The following FOXN3 variants were observed in gnomAD, a reference collection of about 807,000 sequenced individuals.
The protein encoded by FOXN3 is forkhead box protein N3.
Under a neutral mutation model 38.4 loss-of-function variants are expected in FOXN3, and 7 were observed. The ratio of observed to expected loss-of-function variants is 0.18; its 90% CI spans 0.10 to 0.34. The LOEUF (loss-of-function observed/expected upper bound fraction) is 0.34, where lower values mean the gene tolerates loss of function less well. FOXN3 is among the 10% of genes least tolerant of loss of function. FOXN3 has a pLI of 1.00. For missense variants in FOXN3, 456 were observed against 613.4 expected (o/e 0.74, Z 2.71); for synonymous variants, 230 against 242.2 (o/e 0.95, Z 0.47).
intron 3 of FOXN3, among the ~76,000 whole-genome samples, chr14:89,304,882 T>C (rs952953482): frequency 2.1e-5 from 3 of 146,222 alleles, no homozygotes; most frequent in South Asian, 4.3e-4. Context: ...TAAAAACATA[T>C]ACCCAGAGGA....
At chr14:89,191,948 G>GTATATATATATATATATATA (rs566312671) in intron 4 of FOXN3, among the ~76,000 whole-genome samples, 5 of 117,946 alleles carry the variant, frequency 4.2e-5, no homozygotes, top group African/African-American at 2.3e-4. Flanking sequence ...ACTGATATTA[G>GTATATATATATATATATATA]TATATATATA....
intron 1 of FOXN3, among the ~76,000 whole-genome samples, chr14:89,521,541 C>G (rs1894318639): frequency 6.6e-6 from 1 of 151,920 alleles, no homozygotes; most frequent in African/African-American, 2.4e-5. Context: ...GAATTAAAGT[C>G]TGAGGAGAGG....
At chr14:89,376,122 A>C (rs1890470994) in intron 2 of FOXN3, among the ~76,000 whole-genome samples, 1 of 152,178 alleles carries the variant, frequency 6.6e-6, no homozygotes, top group Admixed American at 6.5e-5. Flanking sequence ...CACTGAAAGG[A>C]ATCAGGGCTT....
At chr14:89,421,976 C>T (rs1302233920), upstream of FOXN3, among the ~76,000 whole-genome samples, 2 of 152,146 alleles carry the variant, frequency 1.3e-5, no homozygotes, top group Admixed American at 6.5e-5. Flanking sequence ...AACTCCTAGA[C>T]TCAAACAATC....
At chr14:89,562,762 A>G (rs1193778455) in intron 1 of FOXN3, among the ~76,000 whole-genome samples, 1 of 152,186 alleles carries the variant, frequency 6.6e-6, no homozygotes, top group Non-Finnish European at 1.5e-5. Context: ...AAACATACCC[A>G]GGTTACATCC....
intron 4 of FOXN3, among the ~76,000 whole-genome samples, chr14:89,227,712 T>C (rs1445120084): frequency 4.6e-5 from 7 of 152,144 alleles, no homozygotes; most frequent in Non-Finnish European, 2.9e-5. Context: ...CACCCTGAGA[T>C]TACCTTACAT....
chr14:89,305,085 C>G (rs1013622824), intron 3 of FOXN3, among the ~76,000 whole-genome samples: 2 of 152,058 alleles, frequency 1.3e-5, no homozygotes, highest in African/African-American at 4.8e-5. Context: ...AGAAAACTTA[C>G]GCTGAGCCCG....
chr14:89,214,791 C>T (rs939501437), intron 4 of FOXN3, among the ~76,000 whole-genome samples: 2 of 152,246 alleles, frequency 1.3e-5, no homozygotes, highest in Admixed American at 6.5e-5. Context: ...TGCCTTCTAT[C>T]TAAGCAGAGT....
intron 1 of FOXN3, among the ~76,000 whole-genome samples, chr14:89,581,369 C>G (rs376311098): frequency 1.6e-4 from 25 of 151,936 alleles, no homozygotes; most frequent in African/African-American, 6.0e-4. Flanking sequence ...GTAATCTCAC[C>G]TACTTGGGAG....
chr14:89,385,532 G>A (rs1185867250), intron 2 of FOXN3, among the ~76,000 whole-genome samples: 1 of 148,134 alleles, frequency 6.8e-6, no homozygotes, highest in Non-Finnish European at 1.5e-5. Flanking sequence ...GGAGGGCTGG[G>A]TGCCATGGTT....
chr14:89,476,262 C>G (rs1261372454), intron 1 of FOXN3, among the ~76,000 whole-genome samples: 1 of 152,092 alleles, frequency 6.6e-6, no homozygotes, highest in African/African-American at 2.4e-5. Context: ...AAGCCTCTCC[C>G]CTCCTTCACC....
At chr14:89,352,567 C>A (rs1349718304) in intron 2 of FOXN3, among the ~76,000 whole-genome samples, 1 of 152,146 alleles carries the variant, frequency 6.6e-6, no homozygotes, top group African/African-American at 2.4e-5. Context: ...GCCAGTGGGA[C>A]CTGCCTTTCT....
rs1008475543 is a variant in FOXN3, at chr14:89,548,998, A to G, written c.-15+70030T>C. On this transcript the variant is annotated intron_variant, in intron 1 of 6. Transcript: ENST00000345097. This position sits in a 1 kb window ranked among gnomAD's most constrained non-coding sequence, Gnocchi z 4.8. ...GCCAGGCGTAGTGGCCGGTGCTTGTAATCCCAGCTACTCGGGAGGCTGAGA... is the reference window on the plus strand; with the variant it reads ...GCCAGGCGTAGTGGCCGGTGCTTGTGATCCCAGCTACTCGGGAGGCTGAGA... 1.3e-5 allele frequency among the ~76,000 whole-genome samples: 2 copies of G among 151,998 alleles called. No individual in the cohort carries two copies. The highest frequency in any genetic ancestry group is 2.9e-5 in the Non-Finnish European group (2 of 68,010).
chr14:89,224,537 C>T (rs1268437255), intron 4 of FOXN3, among the ~76,000 whole-genome samples: 2 of 152,132 alleles, frequency 1.3e-5, no homozygotes, highest in African/African-American at 4.8e-5. Flanking sequence ...TTTAGTTTTC[C>T]ATCTTCAATA....
At position 89,433,946 on chromosome 14, in the gene FOXN3, T is replaced by A. The variant is rs1596271697; in HGVS notation, c.-14-21456A>T. Among the ~76,000 whole-genome samples, 3 of 140,092 alleles carry A rather than the reference T, an allele frequency of 2.1e-5. No individual in the cohort carries two copies. In the South Asian group the frequency reaches 6.8e-4, roughly 32 times the overall value. 91.9% of individuals were successfully genotyped at this position (140,092 alleles called of 152,430 possible). ...AATTTTTTTTTTTTTTTTTTTGAGA[T>A]GGAGTTTCACTCTTGTCGCCCAGGC... is the stretch of plus-strand genomic sequence containing the variant. On this transcript the variant is annotated intron_variant, in intron 1 of 6. Transcript: ENST00000345097.
chr14:89,325,236 T>TA (rs1373608346), intron 3 of FOXN3, among the ~76,000 whole-genome samples: 1 of 23,950 alleles, frequency 4.2e-5, no homozygotes, highest in East Asian at 1.5e-3. Context: ...CCACCATCAC[T>TA]ACCACCACCA....
chr14:89,617,814 C>G (rs886371105), intron 1 of FOXN3, among the ~76,000 whole-genome samples: 1 of 152,192 alleles, frequency 6.6e-6, no homozygotes. Flanking sequence ...CTGCAGAAAT[C>G]TGTGCACAAG....
chr14:89,568,152 G>A (rs1895404030), intron 1 of FOXN3, among the ~76,000 whole-genome samples: 1 of 151,886 alleles, frequency 6.6e-6, no homozygotes, highest in Non-Finnish European at 1.5e-5. Context: ...GTCAGCATCT[G>A]AGGACTTTGT....
At chr14:89,288,292 CAAGAT>C (rs1886699660) in intron 3 of FOXN3, among the ~76,000 whole-genome samples, 1 of 152,034 alleles carries the variant, frequency 6.6e-6, no homozygotes, top group African/African-American at 2.4e-5. Context: ...ATGCACCAAT[CAAGAT>C]AAGAAATGGA....
Sources: allele counts gnomAD v4.1 joint callset (sites outside exome capture counted in the v4.1 genomes callset), GRCh38; gene constraint gnomAD v4.1.1; non-coding constraint Gnocchi (gnomAD v3.1); transcripts MANE v1.5; gene names NCBI Gene and HGNC (gene_info 2026-07-23, HGNC 2026-07-21).